The following COBL variants were observed in gnomAD, a reference collection of about 807,000 sequenced individuals.
The protein encoded by COBL is cordon-bleu WH2 repeat protein, also known as protein cordon-bleu.
A neutral mutation model predicts 98.8 loss-of-function variants in COBL; 51 were observed. That is an observed-to-expected ratio of 0.52 (90% CI 0.41 to 0.65). The LOEUF (loss-of-function observed/expected upper bound fraction) is 0.65. Among genes scored for constraint, COBL ranks in the 30% least tolerant of loss-of-function variants. The pLI is 0.00. For missense variants in COBL, 1,617 were observed against 1,617.5 expected (o/e 1.00, Z 0.01); for synonymous variants, 634 against 651.7 (o/e 0.97, Z 0.41).
At chr7:51,309,621 T>A (rs1326838980) in intron 1 of COBL, among the ~76,000 whole-genome samples, 1 of 152,164 alleles carries the variant, frequency 6.6e-6, no homozygotes, top group African/African-American at 2.4e-5. Context: ...AAGAAACAGT[T>A]TTTTTGAAAG....
In COBL at chr7:51,130,310, C is replaced by T. The variant is rs79825559; in HGVS notation, c.957+5848G>A. On this transcript the variant is annotated intron_variant, in intron 6 of 12. Coordinates refer to ENST00000265136, the MANE Select transcript of COBL (RefSeq NM_015198.5). The stretch of plus-strand genomic sequence containing the variant: ...CTGAGGAGTGGCCATGAGACACACC[C>T]GGCAAAGATCAGAGCCCTCTAATTA... Among the ~76,000 whole-genome samples, 763 of 152,228 alleles carry T rather than the reference C, an allele frequency of 5.0e-3. 4 individuals are homozygous for T. Among genetic ancestry groups the T allele is most frequent in the African/African-American group, 0.018 (729 of 41,530 alleles).
At chr7:51,130,604 T>G (rs1197777483) in intron 6 of COBL, among the ~76,000 whole-genome samples, 3 of 152,214 alleles carry the variant, frequency 2.0e-5, no homozygotes, top group African/African-American at 7.2e-5. Context: ...ATTGGCCAAG[T>G]GGTCTGCAGC....
At chr7:51,083,252 AC>A in intron 7 of COBL, 1 of 1,437,700 alleles carries the variant, frequency 7.0e-7, no homozygotes, top group African/African-American at 1.4e-5. Context: ...ACAGGGAGTT[AC>A]TTCAGCAGGT....
At chr7:51,096,731 T>C (rs538489464) in intron 6 of COBL, among the ~76,000 whole-genome samples, 20 of 152,188 alleles carry the variant, frequency 1.3e-4, no homozygotes, top group South Asian at 6.2e-4. Flanking sequence ...CACCAACCAA[T>C]TGGATAACCT....
At chr7:51,109,561 A>G (rs940259805) in intron 6 of COBL, among the ~76,000 whole-genome samples, 1 of 151,052 alleles carries the variant, frequency 6.6e-6, no homozygotes, top group African/African-American at 2.4e-5. Flanking sequence ...GGCCCTTTGC[A>G]TTTCCTGCCT....
In COBL at chr7:51,120,534, A is replaced by G. The variant is rs1209711512; in HGVS notation, c.957+15624T>C. On this transcript the variant is annotated intron_variant, in intron 6 of 12. Transcript: ENST00000265136. ...CCATCTTAACCACTTTTAATTGTAC[A>G]GTTCAGTAGTGTTAAGTACATTCAC... 2.0e-5 allele frequency among the ~76,000 whole-genome samples: 3 copies of G among 152,230 alleles called. No individual in the cohort carries two copies. In the East Asian group the frequency reaches 5.8e-4, roughly 29 times the overall value.
At chr7:51,217,340 C>CTTTTTTTTTTTTTTTTTT (rs937958755) in intron 2 of COBL, among the ~76,000 whole-genome samples, 5 of 127,718 alleles carry the variant, frequency 3.9e-5, no homozygotes, top group Admixed American at 8.2e-5. Flanking sequence ...TTTTCTTTTT[C>CTTTTTTTTTTTTTTTTTT]TTTTTTTTTT....
At chr7:51,068,094 C>T (rs956420933) in intron 7 of COBL, among the ~76,000 whole-genome samples, 10 of 152,204 alleles carry the variant, frequency 6.6e-5, no homozygotes, top group Non-Finnish European at 1.5e-4. Flanking sequence ...TCAAGCCAGG[C>T]TTGAGCGGCA....
At chr7:51,193,252 G>T in intron 3 of COBL, 127 bp downstream of exon 3, 1 of 759,992 alleles carries the variant, frequency 1.3e-6, no homozygotes, top group South Asian at 1.9e-5. Flanking sequence ...AGCTTTGCCT[G>T]GCATGAAAGT....
At chr7:51,227,191 C>T (rs950382324) in intron 1 of COBL, among the ~76,000 whole-genome samples, 7 of 152,140 alleles carry the variant, frequency 4.6e-5, no homozygotes, top group South Asian at 2.1e-4. Context: ...GTTGTAGAGA[C>T]GCCCCCTTTA....
At chr7:51,284,693 G>A (rs1800157565) in intron 1 of COBL, among the ~76,000 whole-genome samples, 1 of 151,592 alleles carries the variant, frequency 6.6e-6, no homozygotes, top group South Asian at 2.1e-4. Flanking sequence ...TGGGCATGGT[G>A]GCATGCATCT....
At chr7:51,306,162 C>A (rs1346261005) in intron 1 of COBL, among the ~76,000 whole-genome samples, 4 of 152,086 alleles carry the variant, frequency 2.6e-5, no homozygotes, top group Non-Finnish European at 5.9e-5. Context: ...ACACTAGGCA[C>A]CATGAACCTA....
chr7:51,032,466 C>G (rs1237279991), intron 8 of COBL: 2 of 152,202 alleles, frequency 1.3e-5, no homozygotes, highest in Admixed American at 1.3e-4. Flanking sequence ...AATTGAGGAC[C>G]AATTTCCATC....
At chr7:51,283,437 T>A (rs559858358) in intron 1 of COBL, among the ~76,000 whole-genome samples, 1 of 152,346 alleles carries the variant, frequency 6.6e-6, no homozygotes, top group Admixed American at 6.5e-5. Flanking sequence ...AAAGATTAAA[T>A]AGATAATTCA....
At chr7:51,251,375 T>C (rs1015076758) in intron 1 of COBL, among the ~76,000 whole-genome samples, 1 of 152,172 alleles carries the variant, frequency 6.6e-6, no homozygotes, top group African/African-American at 2.4e-5. Context: ...AGGGAACTTG[T>C]TGGTGAGAGA....
chr7:51,251,097 T>C (rs1274026217), intron 1 of COBL, among the ~76,000 whole-genome samples: 2 of 152,210 alleles, frequency 1.3e-5, no homozygotes, highest in Non-Finnish European at 2.9e-5. Context: ...ACAGTATACA[T>C]TCTAAATTTT....
intron 5 of COBL, 34 bp from the exon 6 acceptor site, chr7:51,136,365 A>G: frequency 6.3e-7 from 1 of 1,591,574 alleles, no homozygotes; most frequent in Non-Finnish European, 8.6e-7. Context: ...AAACCAAATC[A>G]GTATGAGATG....
chr7:51,064,820 A>T (rs1791734716), intron 7 of COBL: 1 of 264,512 alleles, frequency 3.8e-6, no homozygotes, highest in Non-Finnish European at 7.1e-6. Flanking sequence ...ACAATTTTAA[A>T]AGTCTTGCCT....
intron 6 of COBL, among the ~76,000 whole-genome samples, chr7:51,123,031 A>C (rs994596479): frequency 3.3e-5 from 5 of 152,104 alleles, no homozygotes; most frequent in African/African-American, 1.2e-4. Context: ...TAAAATGTAG[A>C]CTCAAAGACA....
Sources: allele counts gnomAD v4.1 joint callset (sites outside exome capture counted in the v4.1 genomes callset), GRCh38; gene constraint gnomAD v4.1.1; transcripts MANE v1.5; gene names NCBI Gene and HGNC (gene_info 2026-07-23, HGNC 2026-07-21).